AMOTL2: variants seen among roughly 807,000 people sequenced by gnomAD.
The protein encoded by AMOTL2 is angiomotin-like protein 2.
AMOTL2 carries 33 observed loss-of-function variants against 78.4 expected under a neutral mutation model. That is an observed-to-expected ratio of 0.42 (90% CI 0.32 to 0.56). AMOTL2 has a LOEUF of 0.56. Ranked by LOEUF, AMOTL2 falls within the 20% of genes least tolerant of loss-of-function variation. AMOTL2 has a pLI of 0.12. For synonymous variants in AMOTL2, 422 were observed against 428.8 expected (o/e 0.98, Z 0.20); for missense variants, 983 against 1,030.1 (o/e 0.95, Z 0.63).
rs113003928 is a variant in AMOTL2, at chr3:134,366,444, G to A, written c.1042-17C>T. On this transcript the variant is annotated splice_polypyrimidine_tract_variant and intron_variant, in intron 3 of 9. Transcript: ENST00000249883. ...GCTTTCCAGCTGCAAGAGTCAGACA[G>A]CAGAGCTGAATGAAGGCGAGAGCTC... 4.7e-3 allele frequency: 7,569 copies of A among 1,608,118 alleles called. 42 individuals carry two copies. Among genetic ancestry groups the A allele is most frequent in the Middle Eastern group, 0.02 (119 of 6,008 alleles).
Position 134,361,747 on chromosome 3 carries a change from G to A in AMOTL2, c.1340C>T (p.Ala447Val), listed in dbSNP as rs2107738565. The A allele has an allele frequency of 6.3e-7, 1 of 1,594,876 alleles. No individual in the cohort carries two copies. Among genetic ancestry groups the A allele is most frequent in the African/African-American group, 1.3e-5 (1 of 74,532 alleles). The change falls in exon 6 of 10, where the codon GCC becomes GTC. Residue 447 changes from alanine to valine, a missense_variant. Coordinates refer to ENST00000249883, the MANE Select transcript of AMOTL2 (RefSeq NM_016201.4). ...GGCACGCCGCCGCTGGTCCTCGATG[G>A]CGCCGCGCAGCAGTGCCATCTCTCG... ...LEREMALLRG[A>V]IEDQRRRAEL...
intron 7 of AMOTL2, 95 bp from the exon 8 acceptor site, chr3:134,359,598 C>CG (rs557111746): frequency 2.7e-5 from 27 of 1,004,518 alleles, no homozygotes; most frequent in Non-Finnish European, 3.4e-5. Flanking sequence ...AAAGCCCCCC[C>CG]CAACTCCCCC....
chr3:134,358,895 A>C (rs1254259921), intron 8 of AMOTL2, among the ~76,000 whole-genome samples, 176 bp from the exon 9 acceptor site: 1 of 152,216 alleles, frequency 6.6e-6, no homozygotes, highest in Non-Finnish European at 1.5e-5. Flanking sequence ...ACCAGATTGG[A>C]TTGGCTTCCA....
At chr3:134,367,840 A>G (rs1188105041) in intron 2 of AMOTL2, 37 bp from the exon 3 acceptor site, 2 of 1,606,822 alleles carry the variant, frequency 1.2e-6, no homozygotes, top group African/African-American at 2.7e-5. Context: ...GAGACAGCAC[A>G]GACCCTCATG....
In AMOTL2 at chr3:134,359,371, G is replaced by A. The variant is rs376138663; in HGVS notation, c.2016C>T (p.Phe672=). The A allele has an allele frequency of 6.4e-5, 103 of 1,614,220 alleles. No individual in the cohort carries two copies. Among genetic ancestry groups the A allele is most frequent in the African/African-American group, 2.8e-4 (21 of 75,060 alleles). Residue 672 remains phenylalanine, a synonymous_variant, in exon 8 of 10, where the codon TTC becomes TTT. Transcript: ENST00000249883. The part of the protein sequence containing the change: ...LRPAKSVPSV[F]AAAAAGTQGW... ...CCTGGGTTCCTGCTGCCGCAGCCGC[G>A]AAAACAGATGGCACCGACTTGGCAG...
intron 6 of AMOTL2, among the ~76,000 whole-genome samples, chr3:134,361,244 G>C (rs989525227): frequency 1.4e-4 from 21 of 152,294 alleles, no homozygotes; most frequent in Admixed American, 1.2e-3. Context: ...AGGACAACTA[G>C]CCCTGCTGCT....
chr3:134,373,669 C>A, intron 1 of AMOTL2: 1 of 985,532 alleles, frequency 1.0e-6, no homozygotes, highest in Non-Finnish European at 1.2e-6. Flanking sequence ...CCCGCCCCAC[C>A]ACGAGCCCGG....
chr3:134,374,285 T>C, intron 1 of AMOTL2, 57 bp downstream of exon 1: 1 of 985,434 alleles, frequency 1.0e-6, no homozygotes, highest in Non-Finnish European at 1.2e-6. Context: ...CAGCTTTGGC[T>C]GGGGCACGTT....
chr3:134,371,784 GCA>G (rs1419091420), intron 1 of AMOTL2: 1 of 386,134 alleles, frequency 2.6e-6, no homozygotes, highest in Non-Finnish European at 4.7e-6. Context: ...CGAGCTCCTG[GCA>G]CAGTGAAAAT....
intron 6 of AMOTL2, 60 bp from the exon 7 acceptor site, chr3:134,360,473 G>A: frequency 7.0e-7 from 1 of 1,432,134 alleles, no homozygotes; most frequent in Middle Eastern, 2.2e-4. Flanking sequence ...GGCAGCCACT[G>A]GTCTTCGCCT....
chr3:134,360,868 G>C (rs1490438705), intron 6 of AMOTL2, among the ~76,000 whole-genome samples: 2 of 152,196 alleles, frequency 1.3e-5, no homozygotes, highest in African/African-American at 2.4e-5. Context: ...CCAATCTTGG[G>C]GAGGCATATA....
intron 2 of AMOTL2, 89 bp downstream of exon 2, chr3:134,370,610 AC>A: frequency 6.9e-7 from 1 of 1,450,016 alleles, no homozygotes; most frequent in Admixed American, 2.4e-5. Context: ...GCTAGCTCTG[AC>A]ACAAGCTGTG....
intron 8 of AMOTL2, 56 bp downstream of exon 8, chr3:134,359,227 G>A: frequency 6.3e-7 from 1 of 1,584,660 alleles, no homozygotes; most frequent in Non-Finnish European, 8.7e-7. Flanking sequence ...GGCAATCTGT[G>A]TTCAGGCCCA....
Position 134,367,749 on chromosome 3 carries a change from C to T in AMOTL2, c.789G>A (p.Gln263=). Residue 263 remains glutamine, a synonymous_variant, in exon 3 of 10, where the codon CAG becomes CAA. Coordinates refer to ENST00000249883, the MANE Select transcript of AMOTL2 (RefSeq NM_016201.4). ...GGTGCTCCTGAGATTGCTGCAGGTA[C>T]TGGTACTGCTGCTGCTGTTGGAGGA... The part of the protein sequence containing the change: ...PVFLQQQQQY[Q]YLQQSQEHPP... 1 of 1,613,816 alleles carries T rather than the reference C, an allele frequency of 6.2e-7. No individual in the cohort carries two copies.
intron 2 of AMOTL2, among the ~76,000 whole-genome samples, chr3:134,368,221 A>G (rs1040496904): frequency 1.3e-5 from 2 of 152,220 alleles, no homozygotes; most frequent in East Asian, 3.8e-4. Flanking sequence ...GCTGGAGGCC[A>G]TGTCAATCAT....
At chr3:134,374,163 A>G in intron 1 of AMOTL2, 179 bp downstream of exon 1, 1 of 873,728 alleles carries the variant, frequency 1.1e-6, no homozygotes, top group South Asian at 5.2e-5. Flanking sequence ...CTCCCTGGGC[A>G]GAGCGGCCCT....
intron 1 of AMOTL2, 110 bp downstream of exon 1, chr3:134,374,232 C>G: frequency 1.0e-6 from 1 of 985,396 alleles, no homozygotes; most frequent in African/African-American, 1.7e-5. Flanking sequence ...GCTCGATCCT[C>G]GAGGCTCCGA....
chr3:134,357,947 A>G (rs2017145537), intron 9 of AMOTL2, among the ~76,000 whole-genome samples, 184 bp from the exon 10 acceptor site: 1 of 152,200 alleles, frequency 6.6e-6, no homozygotes, highest in Non-Finnish European at 1.5e-5. Context: ...AGCCCAGCCC[A>G]CCAACCTCCG....
upstream of AMOTL2, chr3:134,375,357 T>A: frequency 1.0e-6 from 1 of 978,496 alleles, no homozygotes; most frequent in Non-Finnish European, 1.6e-6. Flanking sequence ...CCCTGTGTTG[T>A]AAATGAGGAC....
Sources: gnomAD v4.1 joint callset for allele counts (sites outside exome capture counted in the v4.1 genomes callset) on GRCh38, gnomAD v4.1.1 for gene constraint, MANE v1.5 for transcripts, NCBI Gene and HGNC (gene_info 2026-07-23, HGNC 2026-07-21) for gene names.